Variants in KDM4C observed in about 807,000 individuals in gnomAD.
KDM4C encodes the protein lysine demethylase 4C.
A neutral mutation model predicts 129.3 loss-of-function variants in KDM4C; 81 were observed. The observed-to-expected ratio is 0.63, with a 90% CI of 0.52 to 0.75. The LOEUF (loss-of-function observed/expected upper bound fraction) is 0.75. Among genes scored for constraint, KDM4C ranks in the 30% least tolerant of loss-of-function variants. The pLI, the probability that KDM4C is intolerant of heterozygous loss-of-function variation, is 0.00. For missense variants in KDM4C, 1,457 were observed against 1,304.0 expected, an observed-to-expected ratio of 1.12 and a Z score of -1.81; for synonymous variants, 573 against 456.1, an observed-to-expected ratio of 1.26 and a Z score of -3.26.
chr9:7,125,783 G>A (rs1422555880), intron 18 of KDM4C, among the ~76,000 whole-genome samples: 2 of 152,256 alleles, frequency 1.3e-5, no homozygotes, highest in South Asian at 2.1e-4. Context: ...TGGTCCCTTG[G>A]GGATTATGAA....
At chr9:6,796,384 A>C (rs542686032) in intron 2 of KDM4C, among the ~76,000 whole-genome samples, 15 of 152,282 alleles carry the variant, frequency 9.9e-5, no homozygotes, top group Non-Finnish European at 1.6e-4. Flanking sequence ...GGTGGAGGGC[A>C]GAGGTTGGGG....
At chr9:7,014,367 G>A in intron 14 of KDM4C, 1 of 167,616 alleles carries the variant, frequency 6.0e-6, no homozygotes, top group Non-Finnish European at 1.3e-5. Flanking sequence ...TTTTCTTTGT[G>A]ACTTTTAAAA....
chr9:6,919,377 T>C (rs955348138), intron 8 of KDM4C, among the ~76,000 whole-genome samples: 3 of 151,660 alleles, frequency 2.0e-5, no homozygotes, highest in African/African-American at 7.3e-5. Flanking sequence ...GTAAGGTGTC[T>C]GTTTACTTTG....
intron 8 of KDM4C, among the ~76,000 whole-genome samples, chr9:6,936,255 T>C (rs1190195092): frequency 6.6e-6 from 1 of 152,190 alleles, no homozygotes; most frequent in South Asian, 2.1e-4. Flanking sequence ...ACTAAATGAG[T>C]GATTTTACAT....
At chr9:6,988,207 T>C (rs1818083992) in intron 11 of KDM4C, among the ~76,000 whole-genome samples, 1 of 150,730 alleles carries the variant, frequency 6.6e-6, no homozygotes, top group South Asian at 2.1e-4. Context: ...TGCAACTTAA[T>C]TTCATGAATG....
chr9:7,113,257 G>C (rs894563153), intron 18 of KDM4C, among the ~76,000 whole-genome samples: 2 of 152,184 alleles, frequency 1.3e-5, no homozygotes, highest in Non-Finnish European at 2.9e-5. Flanking sequence ...GTTTTGTTGA[G>C]CTCTCTCTCC....
At chr9:6,781,918 G>C (rs752700173) in intron 1 of KDM4C, among the ~76,000 whole-genome samples, 1 of 151,310 alleles carries the variant, frequency 6.6e-6, no homozygotes, top group Non-Finnish European at 1.5e-5. Context: ...TCAGCCTCCT[G>C]GGTTCAGGCT....
rs186667897 is a variant in KDM4C, at chr9:7,062,612, G to A, written c.2424+13412G>A. 9.2e-5 allele frequency among the ~76,000 whole-genome samples: 14 copies of A among 151,564 alleles called. No individual in the cohort carries two copies. In the East Asian group the frequency reaches 2.2e-3, roughly 23 times the overall value. The stretch of plus-strand genomic sequence containing the variant: ...TTGTCTAAGCTGGTCTCAAACTCCT[G>A]GGCTGAAGTGATCCTCCTACCTTAG... On this transcript the variant is annotated intron_variant, in intron 17 of 21. Coordinates refer to ENST00000381309, the MANE Select transcript of KDM4C (RefSeq NM_015061.6).
At chr9:6,890,224 AT>A (rs1334041540) in intron 7 of KDM4C, among the ~76,000 whole-genome samples, 2 of 152,244 alleles carry the variant, frequency 1.3e-5, no homozygotes, top group Admixed American at 1.3e-4. Context: ...TCCTGAGTTC[AT>A]TCCTGATTCA....
chr9:6,767,373 C>T (rs976878016), intron 1 of KDM4C, among the ~76,000 whole-genome samples: 11 of 151,846 alleles, frequency 7.2e-5, no homozygotes, highest in African/African-American at 2.7e-4. Context: ...GAACTCCTGA[C>T]CTTGTGATCC....
chr9:6,805,037 A>G lies in KDM4C; in HGVS notation c.145-562A>G, dbSNP rs533899420. Among the ~76,000 whole-genome samples the G allele has an allele frequency of 2.0e-5, 3 of 152,016 alleles. No individual in the cohort carries two copies. The East Asian group carries it at 5.9e-4, about 30-fold the overall frequency. ...TGCCTCAGCCTCCCGGGTAGCTGGG[A>G]CTACAGGTGCGTGCCACCACGCCCG... On this transcript the variant is annotated intron_variant, in intron 2 of 21. Coordinates refer to ENST00000381309, the MANE Select transcript of KDM4C (RefSeq NM_015061.6).
chr9:6,811,451 C>T (rs555883853), intron 3 of KDM4C, among the ~76,000 whole-genome samples: 1 of 152,308 alleles, frequency 6.6e-6, no homozygotes, highest in African/African-American at 2.4e-5. Context: ...TTTTCTTTAG[C>T]ACCTGACCTG....
At chr9:7,043,026 T>C (rs910213008) in intron 15 of KDM4C, among the ~76,000 whole-genome samples, 2 of 152,110 alleles carry the variant, frequency 1.3e-5, no homozygotes, top group African/African-American at 4.8e-5. Flanking sequence ...TCTAGTCATT[T>C]ACAGAAAAAG....
chr9:7,064,759 G>A (rs34234959), intron 17 of KDM4C, among the ~76,000 whole-genome samples: 1 of 152,108 alleles, frequency 6.6e-6, no homozygotes, highest in Admixed American at 6.6e-5. Flanking sequence ...TAGGTATGTA[G>A]TTGTTTAACA....
chr9:6,778,933 G>A (rs1424204227), intron 1 of KDM4C, among the ~76,000 whole-genome samples: 1 of 151,286 alleles, frequency 6.6e-6, no homozygotes, highest in African/African-American at 2.4e-5. Context: ...TGTTGGCCAA[G>A]CTGGTCTTTA....
At chr9:6,896,393 G>A (rs904459611) in intron 8 of KDM4C, among the ~76,000 whole-genome samples, 8 of 151,890 alleles carry the variant, frequency 5.3e-5, no homozygotes, top group African/African-American at 1.9e-4. Context: ...TTGTTGTACA[G>A]CATTAAATAA....
intron 15 of KDM4C, among the ~76,000 whole-genome samples, chr9:7,025,630 C>T (rs931261204): frequency 6.6e-6 from 1 of 151,932 alleles, no homozygotes; most frequent in African/African-American, 2.4e-5. Flanking sequence ...CACACAGAGG[C>T]AAAAAGAAAA....
intron 5 of KDM4C, among the ~76,000 whole-genome samples, chr9:6,872,694 G>A (rs1368618533): frequency 6.6e-6 from 1 of 152,034 alleles, no homozygotes; most frequent in Non-Finnish European, 1.5e-5. Context: ...GCAATCCCTG[G>A]CTTTTCTTTT....
chr9:7,096,677 A>G (rs930537307), intron 17 of KDM4C, among the ~76,000 whole-genome samples: 10 of 152,292 alleles, frequency 6.6e-5, no homozygotes, highest in Admixed American at 2.0e-4. Flanking sequence ...TTTAATAAAA[A>G]GGCAGCTTAG....
Sources: allele counts gnomAD v4.1 joint callset (sites outside exome capture counted in the v4.1 genomes callset), GRCh38; gene constraint gnomAD v4.1.1; transcripts MANE v1.5; gene names NCBI Gene and HGNC (gene_info 2026-07-23, HGNC 2026-07-21).